Variants in TMEM35B observed in about 807,000 individuals in gnomAD.
The protein encoded by TMEM35B is ZMYM6 neighbor protein.
TMEM35B carries 6 observed loss-of-function variants against 8.7 expected under a neutral mutation model. The ratio of observed to expected loss-of-function variants is 0.69; its 90% CI spans 0.38 to 1.36. The LOEUF (loss-of-function observed/expected upper bound fraction) is 1.36, where lower values mean the gene tolerates loss of function less well. TMEM35B is among the 40% of genes most tolerant of loss of function. The probability of loss-of-function intolerance (pLI) is 0.02; values close to 1 mark genes in which losing one functional copy is unlikely to be tolerated. For synonymous variants in TMEM35B, 89 were observed against 87.0 expected, an observed-to-expected ratio of 1.02 and a Z score of -0.13; for missense variants, 176 against 181.6, an observed-to-expected ratio of 0.97 and a Z score of 0.18.
exon 1 of TMEM35B, chr1:34,985,328 G>T: frequency 6.6e-7 from 1 of 1,512,230 alleles, no homozygotes; most frequent in South Asian, 1.2e-5. Context: ...CCCACCGTGG[G>T]TTGGCCCCGC....
At chr1:34,985,335 C>T (rs1053315098) in exon 1 of TMEM35B, 3 of 1,500,856 alleles carry the variant, frequency 2.0e-6, no homozygotes, top group East Asian at 5.3e-5. Flanking sequence ...TGGGTTGGCC[C>T]CGCCGAAAAC....
rs1640547656 is a variant in TMEM35B at position 34,984,836 on chromosome 1, A to C, written c.108+362T>G. 3.3e-5 allele frequency among the ~76,000 whole-genome samples: 5 copies of C among 151,836 alleles called. No individual in the cohort carries two copies. The South Asian group carries it at 8.4e-4, about 25-fold the overall frequency. ...ACCCCAACCCCACGAACCTCCCAAA[A>C]ACTGAAGCAAACGGCGAAAAGAGGG... On this transcript the variant is annotated intron_variant, in intron 1 of 2. Transcript: ENST00000373337.
intron 1 of TMEM35B, 94 bp from the exon 2 acceptor site, chr1:34,984,041 T>A: frequency 8.1e-7 from 1 of 1,232,116 alleles, no homozygotes; most frequent in Non-Finnish European, 1.1e-6. Context: ...TGCCCTCAAC[T>A]TCCCAGAGAA....
downstream of TMEM35B, chr1:34,981,387 G>C (rs1476919905): frequency 6.6e-6 from 1 of 152,160 alleles, no homozygotes; most frequent in Non-Finnish European, 1.5e-5. Context: ...AAATAAGTAT[G>C]CAAAAGTGAT....
chr1:34,982,907 C>T (rs1286117471), intron 2 of TMEM35B, among the ~76,000 whole-genome samples: 1 of 152,214 alleles, frequency 6.6e-6, no homozygotes, highest in Non-Finnish European at 1.5e-5. Context: ...AGCCTGGTAG[C>T]AGTGGCAGCA....
intron 2 of TMEM35B, 24 bp downstream of exon 2, chr1:34,983,743 T>C: frequency 6.8e-7 from 1 of 1,464,406 alleles, no homozygotes; most frequent in Non-Finnish European, 9.1e-7. Flanking sequence ...GACCCCATTT[T>C]CTCAGGCCAG....
chr1:34,982,205 A>T, intron 2 of TMEM35B, 86 bp from the exon 3 acceptor site: 1 of 1,242,186 alleles, frequency 8.1e-7, no homozygotes, highest in Non-Finnish European at 1.1e-6. Context: ...AGGCTGACCC[A>T]CTCCAGCCCA....
Position 34,982,027 on chromosome 1 carries a change from C to T in TMEM35B, c.382G>A (p.Gly128Ser), listed in dbSNP as rs1020672622. The T allele has an allele frequency of 7.7e-6, 12 of 1,550,200 alleles. 1 individual carries two copies. The highest frequency in any genetic ancestry group is 4.8e-5 in the South Asian group (4 of 84,044). The change falls in exon 3 of 3, where the codon GGC becomes AGC. Residue 128 changes from glycine (G) to serine (S), a missense_variant. By Grantham distance (56) the Gly-to-Ser change is moderately conservative. Coordinates refer to ENST00000373337, the Ensembl canonical transcript of TMEM35B. The stretch of plus-strand genomic sequence containing the variant: ...TTCTTAGTCTGGGCTAAGAGCTGGC[C>T]GACATTCAGCAGCAGCAGGAACCCC...
At chr1:34,983,565 C>G (rs1368582279) in intron 2 of TMEM35B, among the ~76,000 whole-genome samples, 2 of 110,282 alleles carry the variant, frequency 1.8e-5, no homozygotes, top group South Asian at 5.6e-4. Flanking sequence ...GGCGAAAGAG[C>G]GAGACTCCAT....
chr1:34,981,967 T>C (rs1640510887), exon 3 of TMEM35B: 1 of 1,545,438 alleles, frequency 6.5e-7, no homozygotes, highest in Admixed American at 2.0e-5. Context: ...TCCTTGAATG[T>C]ACTTAGAGTC....
At position 34,982,139 on chromosome 1, in the gene TMEM35B, C is replaced by A. The variant is rs1569723627; in HGVS notation, c.290-20G>T. ...TAGCCCCTGGAATGGAAAGTGAGGT[C>A]CCTGAGGCTCCTTGGAAGAACCCAG... On this transcript the variant is annotated intron_variant, in intron 2 of 2. Coordinates refer to ENST00000373337, the Ensembl canonical transcript of TMEM35B. 5.9e-6 allele frequency: 9 copies of A among 1,526,836 alleles called. No individual in the cohort carries two copies. In the East Asian group the frequency reaches 2.0e-4, roughly 33 times the overall value. The allele number at this position is 1,526,836 out of a possible 1,614,324, so 94.6% of individuals were successfully genotyped here. A position where few individuals can be genotyped will look rare whatever the true frequency, so the allele number is the denominator to read the frequency against.
chr1:34,985,314 T>G, exon 1 of TMEM35B: 1 of 1,517,674 alleles, frequency 6.6e-7, no homozygotes, highest in Non-Finnish European at 8.8e-7. Context: ...ATGGCCGCGC[T>G]CCCCCCACCG....
At chr1:34,982,764 C>T (rs752153639) in intron 2 of TMEM35B, among the ~76,000 whole-genome samples, 5 of 152,018 alleles carry the variant, frequency 3.3e-5, no homozygotes, top group Non-Finnish European at 7.4e-5. Context: ...CATGAGCCAC[C>T]GTGTCTGGCC....
intron 1 of TMEM35B, among the ~76,000 whole-genome samples, chr1:34,984,661 C>T (rs1640544773): frequency 6.6e-6 from 1 of 152,186 alleles, no homozygotes; most frequent in African/African-American, 2.4e-5. Context: ...CAGGGCATCC[C>T]TCTCAGGCTT....
At chr1:34,985,001 G>A (rs1057155680) in intron 1 of TMEM35B, among the ~76,000 whole-genome samples, 197 bp downstream of exon 1, 4 of 150,656 alleles carry the variant, frequency 2.7e-5, no homozygotes, top group Non-Finnish European at 4.4e-5. Context: ...GTCCCCTTCC[G>A]TCTAGGGAAG....
chr1:34,985,282 C>A (rs1416105096), exon 1 of TMEM35B: 20 of 1,541,216 alleles, frequency 1.3e-5, no homozygotes, highest in Middle Eastern at 3.3e-4. Flanking sequence ...GCAGTACACG[C>A]AGCACCGAAA....
intron 2 of TMEM35B, among the ~76,000 whole-genome samples, chr1:34,982,899 C>T (rs1004577772): frequency 6.6e-6 from 1 of 152,178 alleles, no homozygotes; most frequent in African/African-American, 2.4e-5. Context: ...TGGAAGCAAG[C>T]CTGGTAGCAG....
At chr1:34,984,894 G>A (rs879436584) in intron 1 of TMEM35B, among the ~76,000 whole-genome samples, 18 of 148,374 alleles carry the variant, frequency 1.2e-4, no homozygotes, top group African/African-American at 4.2e-4. Flanking sequence ...TTTTCCCACC[G>A]CATCATCCTC....
At chr1:34,982,368 G>A (rs1305403790) in intron 2 of TMEM35B, among the ~76,000 whole-genome samples, 2 of 150,744 alleles carry the variant, frequency 1.3e-5, no homozygotes, top group Non-Finnish European at 2.9e-5. Context: ...CAGAGGACAA[G>A]AAAGAAACGG....
Sources: gnomAD v4.1 joint callset for allele counts (sites outside exome capture counted in the v4.1 genomes callset) on GRCh38, gnomAD v4.1.1 for gene constraint, MANE v1.5 for transcripts, NCBI Gene and HGNC (gene_info 2026-07-23, HGNC 2026-07-21) for gene names.